Variants in USF2 observed in about 807,000 individuals in gnomAD.
USF2 encodes the protein upstream transcription factor 2, c-fos interacting.
Under a neutral mutation model 46.9 loss-of-function variants are expected in USF2, and 16 were observed. That is an observed-to-expected ratio of 0.34 (90% CI 0.23 to 0.52). The LOEUF (loss-of-function observed/expected upper bound fraction) is 0.52. Ranked by LOEUF, USF2 falls within the 20% of genes least tolerant of loss-of-function variation. The pLI is 0.96. For missense variants in USF2, 411 were observed against 474.0 expected, an observed-to-expected ratio of 0.87 and a Z score of 1.23; for synonymous variants, 239 against 194.1, an observed-to-expected ratio of 1.23 and a Z score of -1.92.
chr19:35,278,568 C>T, intron 7 of USF2, 130 bp from the exon 8 acceptor site: 2 of 947,766 alleles, frequency 2.1e-6, no homozygotes, highest in South Asian at 3.0e-5. Flanking sequence ...CCCCTCACTT[C>T]CCAGGGCTGT....
At chr19:35,270,652 G>C in intron 5 of USF2, 55 bp downstream of exon 5, 1 of 1,611,738 alleles carries the variant, frequency 6.2e-7, no homozygotes, top group African/African-American at 1.3e-5. Flanking sequence ...CCAGCAGGGA[G>C]GGAAGCCCCC....
chr19:35,278,866 A>G (rs753301257), intron 8 of USF2, 74 bp downstream of exon 8: 10 of 1,606,096 alleles, frequency 6.2e-6, no homozygotes, highest in African/African-American at 4.0e-5. Flanking sequence ...TCCAACAGCC[A>G]TGGGGCTCGG....
chr19:35,279,425 C>G lies in USF2; in HGVS notation c.*169C>G. ...AATGCATTTCTGTGGATACAGTGCC[C>G]ACCGCCCTCCTCCACTTGGAAACGG... On this transcript the variant is annotated 3_prime_UTR_variant, in exon 10 of 10. Coordinates refer to ENST00000222305, the MANE Select transcript of USF2 (RefSeq NM_003367.4). The G allele has an allele frequency of 1.4e-6, 1 of 704,034 alleles. No homozygotes were observed. The allele number at this position is 704,034 out of a possible 1,614,324, so 43.6% of individuals were successfully genotyped here. A position where few individuals can be genotyped will look rare whatever the true frequency, so the allele number is the denominator to read the frequency against.
At position 35,269,960 on chromosome 19, in the gene USF2, C is replaced by T; in HGVS notation, c.386C>T (p.Ala129Val). 2 of 1,341,482 alleles carry T rather than the reference C, an allele frequency of 1.5e-6. No homozygotes were observed. Among genetic ancestry groups the T allele is most frequent in the Non-Finnish European group, 1.9e-6 (2 of 1,053,226 alleles). 83.1% of individuals were successfully genotyped at this position (1,341,482 alleles called of 1,614,324 possible). The change falls in exon 4 of 10, where the codon GCC (alanine) becomes GTC (valine). Residue 129 changes from alanine to valine, a missense_variant. By Grantham distance (64) the Ala-to-Val change is moderately conservative. Coordinates refer to ENST00000222305, the MANE Select transcript of USF2 (RefSeq NM_003367.4). ...GGGGCAGCCCAGCGCCCGGGCCCCG[C>T]CGCTGCCTCTGTGCCCCCAGGTCCT... ...VDGAAQRPGP[A>V]AASVPPGPAA...
chr19:35,269,961 C>T lies in USF2; in HGVS notation c.387C>T (p.Ala129=). 1 of 1,340,618 alleles carries T rather than the reference C, an allele frequency of 7.5e-7. No homozygotes were observed. Among genetic ancestry groups the T allele is most frequent in the Non-Finnish European group, 9.5e-7 (1 of 1,052,692 alleles). The allele number at this position is 1,340,618 out of a possible 1,614,324, so 83.0% of individuals were successfully genotyped here. Residue 129 remains alanine, a synonymous_variant, in exon 4 of 10, where the codon GCC becomes GCT. Coordinates refer to ENST00000222305, the MANE Select transcript of USF2 (RefSeq NM_003367.4). Reference sequence around the variant, plus strand: ...GGGCAGCCCAGCGCCCGGGCCCCGCCGCTGCCTCTGTGCCCCCAGGTCCTG... The same window carrying T: ...GGGCAGCCCAGCGCCCGGGCCCCGCTGCTGCCTCTGTGCCCCCAGGTCCTG... ...VDGAAQRPGP[A]AASVPPGPAA... is the part of the protein sequence containing the mutation.
intron 7 of USF2, among the ~76,000 whole-genome samples, chr19:35,273,733 A>G (rs527315909): frequency 6.6e-6 from 1 of 151,504 alleles, no homozygotes; most frequent in Non-Finnish European, 1.5e-5. Context: ...ATTTTTTTTT[A>G]TCTGTAGAGT....
intron 7 of USF2, among the ~76,000 whole-genome samples, chr19:35,272,975 C>T (rs1474346566): frequency 2.0e-5 from 3 of 151,784 alleles, no homozygotes; most frequent in Admixed American, 6.6e-5. Context: ...AGCACAGCCG[C>T]CCCGGGCACC....
Position 35,269,320 on chromosome 19 carries a change from C to CCCGGCCT in USF2, c.63-124_63-118dup, listed in dbSNP as rs1391664755. On this transcript the variant is annotated intron_variant, in intron 1 of 9. Transcript: ENST00000222305. ...GACCTGGCGCCTCCCGCCCCCGGCC[C>CCCGGCCT]CCGGCCTCGGCGGCGCCCCCGGCCT... 3,044 of 914,360 alleles carry CCCGGCCT rather than the reference C, an allele frequency of 3.3e-3. 5 individuals carry two copies. Among genetic ancestry groups the CCCGGCCT allele is most frequent in the Non-Finnish European group, 3.6e-3 (2,759 of 767,326 alleles). The allele number at this position is 914,360 out of a possible 1,614,324, so 56.6% of individuals were successfully genotyped here. A position where few individuals can be genotyped will look rare whatever the true frequency, so the allele number is the denominator to read the frequency against.
chr19:35,274,172 C>G (rs1195724779), intron 7 of USF2, among the ~76,000 whole-genome samples: 1 of 152,202 alleles, frequency 6.6e-6, no homozygotes, highest in Non-Finnish European at 1.5e-5. Flanking sequence ...TGTAATGCCT[C>G]AAACTCAACT....
intron 7 of USF2, among the ~76,000 whole-genome samples, chr19:35,272,373 G>A (rs1056042239): frequency 6.6e-6 from 1 of 152,132 alleles, no homozygotes; most frequent in African/African-American, 2.4e-5. Context: ...TCTTCGAGAG[G>A]TGACATTGAA....
In USF2 at chr19:35,269,170, TCCCCGGCCCGGCCGTGCCCCCGCG is replaced by T. The variant is rs1404505525; in HGVS notation, c.62+17_62+40del. The T allele has an allele frequency of 2.0e-6, 2 of 988,342 alleles. No individual in the cohort carries two copies. Among genetic ancestry groups the T allele is most frequent in the Non-Finnish European group, 2.4e-6 (2 of 839,846 alleles). 61.2% of individuals were successfully genotyped at this position (988,342 alleles called of 1,614,324 possible). ...CCGCTGCTGCCGCCGCCAGGTAAGATCCCCGGCCCGGCCGTGCCCCCGCGCCCCGGCCCCGGCCCCGGCCCCGCG... is the reference window on the plus strand; with the variant it reads ...CCGCTGCTGCCGCCGCCAGGTAAGATCCCCGGCCCCGGCCCCGGCCCCGCG... On this transcript the variant is annotated splice_region_variant and intron_variant, in intron 1 of 9. Transcript: ENST00000222305.
chr19:35,269,281 G>A, intron 1 of USF2, 118 bp downstream of exon 1: 1 of 906,138 alleles, frequency 1.1e-6, no homozygotes, highest in Non-Finnish European at 1.3e-6. Flanking sequence ...AATGGAGGCC[G>A]CCGGCGCGGG....
At chr19:35,271,230 C>T in intron 7 of USF2, 89 bp downstream of exon 7, 3 of 1,527,342 alleles carry the variant, frequency 2.0e-6, no homozygotes, top group Non-Finnish European at 2.7e-6. Context: ...GAGAGAGAAG[C>T]CACTCCTGGG....
At chr19:35,273,774 T>C (rs1230241665) in intron 7 of USF2, among the ~76,000 whole-genome samples, 1 of 152,196 alleles carries the variant, frequency 6.6e-6, no homozygotes, top group Non-Finnish European at 1.5e-5. Context: ...CAGGCTCGTC[T>C]TGAACTTCTG....
chr19:35,274,764 C>A (rs1185019963), intron 7 of USF2, among the ~76,000 whole-genome samples: 2 of 152,212 alleles, frequency 1.3e-5, no homozygotes, highest in Non-Finnish European at 2.9e-5. Context: ...TGAGATTACC[C>A]TCCAGCCTGA....
At chr19:35,270,246 A>G in intron 4 of USF2, 3 of 941,610 alleles carry the variant, frequency 3.2e-6, no homozygotes. Context: ...TAGAGTGCGA[A>G]ACGGATTTGC....
intron 1 of USF2, 31 bp downstream of exon 1, chr19:35,269,194 GC>G: frequency 1.0e-6 from 1 of 954,964 alleles, no homozygotes; most frequent in Non-Finnish European, 1.2e-6. Flanking sequence ...GTGCCCCCGC[GC>G]CCCGGCCCCG....
rs1599637284 is a variant in USF2 at position 35,279,510 on chromosome 19, C to T, written c.*254C>T. The T allele has an allele frequency of 4.2e-6, 2 of 473,446 alleles. No homozygotes were observed. The highest frequency in any genetic ancestry group is 3.8e-5 in the South Asian group (1 of 26,410). The allele number at this position is 473,446 out of a possible 1,614,324, so 29.3% of individuals were successfully genotyped here. A position where few individuals can be genotyped will look rare whatever the true frequency, so the allele number is the denominator to read the frequency against. On this transcript the variant is annotated 3_prime_UTR_variant, in exon 10 of 10. Transcript: ENST00000222305. ...TCTCCCGGCCCTCACTAAGCCCCGGCACTTCTAGTGGTCTCACCTGGAGGC... is the reference window on the plus strand; with the variant it reads ...TCTCCCGGCCCTCACTAAGCCCCGGTACTTCTAGTGGTCTCACCTGGAGGC...
chr19:35,270,027 TGG>T (rs150053370), intron 4 of USF2, 24 bp downstream of exon 4: 29 of 1,281,402 alleles, frequency 2.3e-5, no homozygotes, highest in Middle Eastern at 2.9e-4. Context: ...CACCCCTGGG[TGG>T]GGGGGGGAGG....
Sources: gnomAD v4.1 joint callset for allele counts (sites outside exome capture counted in the v4.1 genomes callset) on GRCh38, gnomAD v4.1.1 for gene constraint, MANE v1.5 for transcripts, NCBI Gene and HGNC (gene_info 2026-07-23, HGNC 2026-07-21) for gene names.